D2HGDH: variants seen among roughly 807,000 people sequenced by gnomAD.
D2HGDH encodes D-2-hydroxyglutarate dehydrogenase.
In D2HGDH, 31 loss-of-function variants were observed where a neutral mutation model predicts 46.9. That is an observed-to-expected ratio of 0.66 (90% CI 0.50 to 0.89). The LOEUF (loss-of-function observed/expected upper bound fraction) is 0.89. Ranked by LOEUF, D2HGDH falls within the 40% of genes least tolerant of loss-of-function variation. The pLI, the probability that D2HGDH is intolerant of heterozygous loss-of-function variation, is 0.00. For missense variants in D2HGDH, 698 were observed against 720.8 expected (o/e 0.97, Z 0.36); for synonymous variants, 364 against 332.6 (o/e 1.09, Z -1.03).
At chr2:241,748,119 G>GT (rs1293164155) in intron 6 of D2HGDH, among the ~76,000 whole-genome samples, 2 of 86,888 alleles carry the variant, frequency 2.3e-5, no homozygotes, top group Non-Finnish European at 4.3e-5. Flanking sequence ...GCTCTTCAGC[G>GT]TTTTTTTGTT....
rs751898494 is a variant in D2HGDH, at chr2:241,742,552, C to T, written c.468C>T (p.Val156=). 2 of 1,614,140 alleles carry T rather than the reference C, an allele frequency of 1.2e-6. No homozygotes were observed. The highest frequency in any genetic ancestry group is 1.7e-6 in the Non-Finnish European group (2 of 1,180,024). Residue 156 remains valine (V), a synonymous_variant, in exon 4 of 10, where the codon GTC becomes GTT. Transcript: ENST00000321264. The surrounding 1 kb of genome is among the most constrained non-coding windows in gnomAD (Gnocchi z 4.8). ...IILSTARMNR[V]LSFHSVSGIL... ...TCTCCACTGCCCGCATGAACCGGGTCCTCAGCTTCCACAGCGTGTCTGGTA... is the reference window on the plus strand; with the variant it reads ...TCTCCACTGCCCGCATGAACCGGGTTCTCAGCTTCCACAGCGTGTCTGGTA...
rs767084145 is a variant in D2HGDH at position 241,743,935 on chromosome 2, G to T, written c.684+120G>T. ...CTCGGGGTGGGAGGTCTTGGTTCCT[G>T]GCCCTGGGCCCCTCAAGGATGTGTG... On this transcript the variant is annotated intron_variant, in intron 5 of 9. Coordinates refer to ENST00000321264, the MANE Select transcript of D2HGDH (RefSeq NM_152783.5). The surrounding 1 kb of genome is among the most constrained non-coding windows in gnomAD (Gnocchi z 4.8). The T allele has an allele frequency of 5.3e-6, 6 of 1,132,292 alleles. No homozygotes were observed. The highest frequency in any genetic ancestry group is 7.6e-6 in the Non-Finnish European group (6 of 791,758). The allele number at this position is 1,132,292 out of a possible 1,614,324, so 70.1% of individuals were successfully genotyped here.
In D2HGDH at chr2:241,735,339, G is replaced by A; in HGVS notation, c.115G>A (p.Ala39Thr). 2 of 1,551,090 alleles carry A rather than the reference G, an allele frequency of 1.3e-6. No individual in the cohort carries two copies. The highest frequency in any genetic ancestry group is 8.7e-7 in the Non-Finnish European group (1 of 1,152,818). Reference protein sequence around the residue: ...GPLARRGCCSAPGTPEVPLTR... With the variant: ...GPLARRGCCSTPGTPEVPLTR... ...CCTGGCCCGCAGAGGCTGCTGCTCC[G>A]CCCCGGGGACCCCCGAGGTGCCGCT... is the stretch of plus-strand genomic sequence containing the variant. Residue 39 changes from alanine (A) to threonine (T), a missense_variant, in exon 2 of 10, where the codon GCC becomes ACC. Coordinates refer to ENST00000321264, the MANE Select transcript of D2HGDH (RefSeq NM_152783.5).
At chr2:241,764,574 G>A (rs1454425436) in intron 9 of D2HGDH, among the ~76,000 whole-genome samples, 5 of 152,240 alleles carry the variant, frequency 3.3e-5, no homozygotes, top group Admixed American at 1.3e-4. Flanking sequence ...CTCGACCTTT[G>A]TCGGTTCTGG....
Position 241,767,731 on chromosome 2 carries a change from A to C in D2HGDH, c.1328A>C (p.Asn443Thr). Residue 443 changes from asparagine (N) to threonine (T), a missense_variant, in exon 10 of 10, where the codon AAT (asparagine) becomes ACT (threonine). Asn to Thr is a moderately conservative substitution (Grantham distance 65). Transcript: ENST00000321264. ...GHLGDGNLHL[N>T]VTAEAFSPSL... is the part of the protein sequence containing the mutation. ...CCAGGAGATGGTAACCTGCACCTCA[A>C]TGTGACGGCGGAGGCCTTCAGCCCC... 1.2e-6 allele frequency: 2 copies of C among 1,612,896 alleles called. No individual in the cohort carries two copies. The highest frequency in any genetic ancestry group is 1.7e-6 in the Non-Finnish European group (2 of 1,179,568).
chr2:241,738,797 A>C (rs1693637559), intron 2 of D2HGDH, among the ~76,000 whole-genome samples: 1 of 152,170 alleles, frequency 6.6e-6, no homozygotes, highest in South Asian at 2.1e-4. Context: ...GGTGAGGGCG[A>C]GGCTGAATTT....
At position 241,735,158 on chromosome 2, in the gene D2HGDH, T is replaced by G. The variant is rs1188622188; in HGVS notation, c.-67T>G. ...GCGCGCAGCCAGCGGCTCCCTGCCC[T>G]TCCCCTCCGGGCCCTGAGTACCGGC... On this transcript the variant is annotated 5_prime_UTR_variant, in exon 2 of 10. Coordinates refer to ENST00000321264, the MANE Select transcript of D2HGDH (RefSeq NM_152783.5). 1.4e-6 allele frequency: 2 copies of G among 1,421,658 alleles called. No individual in the cohort carries two copies. Among genetic ancestry groups the G allele is most frequent in the African/African-American group, 1.5e-5 (1 of 65,842 alleles). 88.1% of individuals were successfully genotyped at this position (1,421,658 alleles called of 1,614,324 possible). A position where few individuals can be genotyped will look rare whatever the true frequency, so the allele number is the denominator to read the frequency against.
intron 9 of D2HGDH, among the ~76,000 whole-genome samples, chr2:241,756,273 A>C (rs989077598): frequency 1.3e-5 from 2 of 152,208 alleles, no homozygotes; most frequent in African/African-American, 4.8e-5. Context: ...GCTTGTCAGA[A>C]CGTTCTGGGA....
intron 6 of D2HGDH, chr2:241,748,852 A>G (rs1029981302): frequency 3.2e-6 from 4 of 1,265,728 alleles, no homozygotes; most frequent in African/African-American, 3.2e-5. Context: ...CTCTGATCCC[A>G]CTCCAACTGC....
intron 7 of D2HGDH, 99 bp from the exon 8 acceptor site, chr2:241,751,147 A>C: frequency 6.5e-7 from 1 of 1,535,336 alleles, no homozygotes; most frequent in Admixed American, 1.7e-5. Context: ...GCCACGAAAG[A>C]TCAGTGGTTG....
At chr2:241,755,450 TGTGCC>T (rs1698018340) in intron 8 of D2HGDH, 1 of 1,313,142 alleles carries the variant, frequency 7.6e-7, no homozygotes, top group Non-Finnish European at 1.0e-6. Flanking sequence ...CTTGCCACTC[TGTGCC>T]GTGTCATGAC....
Position 241,768,632 on chromosome 2 carries a change from G to T in D2HGDH, c.*663G>T, listed in dbSNP as rs1049968551. ...AGGGCAAGCTGTGCTCTGAGTTTCG[G>T]GTTCTGCTCCTACAAAGAACGTGCG... On this transcript the variant is annotated 3_prime_UTR_variant, in exon 10 of 10. Transcript: ENST00000321264. The T allele has an allele frequency of 1.3e-5, 2 of 152,368 alleles. No individual in the cohort carries two copies. Among genetic ancestry groups the T allele is most frequent in the African/African-American group, 4.8e-5 (2 of 41,426 alleles). The allele number at this position is 152,368 out of a possible 1,614,324, so 9.4% of individuals were successfully genotyped here. A position where few individuals can be genotyped will look rare whatever the true frequency, so the allele number is the denominator to read the frequency against.
chr2:241,751,553 G>C (rs1414273710), intron 8 of D2HGDH, among the ~76,000 whole-genome samples, 165 bp downstream of exon 8: 1 of 152,234 alleles, frequency 6.6e-6, no homozygotes. Flanking sequence ...GATGGAAAAT[G>C]TATTCCTGGT....
chr2:241,749,667 G>A (rs1470189452), intron 6 of D2HGDH: 1 of 326,186 alleles, frequency 3.1e-6, no homozygotes, highest in Non-Finnish European at 6.0e-6. Flanking sequence ...GAATTCCCAA[G>A]ATACGCCCCC....
intron 2 of D2HGDH, among the ~76,000 whole-genome samples, chr2:241,737,221 C>T (rs961366682): frequency 3.9e-5 from 6 of 152,022 alleles, no homozygotes; most frequent in Non-Finnish European, 7.4e-5. Flanking sequence ...CCGCCTGCCT[C>T]GGCCTCCCAA....
chr2:241,744,076 A>G (rs1695243256), intron 5 of D2HGDH, among the ~76,000 whole-genome samples: 1 of 152,084 alleles, frequency 6.6e-6, no homozygotes, highest in African/African-American at 2.4e-5. Context: ...TACAGGGGAC[A>G]CCGCCCCGGC....
chr2:241,748,319 C>T (rs1381705153), intron 6 of D2HGDH, among the ~76,000 whole-genome samples: 1 of 152,132 alleles, frequency 6.6e-6, no homozygotes, highest in East Asian at 1.9e-4. Context: ...CAGGGTTTTG[C>T]CATGTTGGCC....
chr2:241,742,650 A>G lies in D2HGDH; in HGVS notation c.490+76A>G, dbSNP rs1694798327. The G allele has an allele frequency of 6.3e-7, 1 of 1,581,154 alleles. No individual in the cohort carries two copies. Among genetic ancestry groups the G allele is most frequent in the Non-Finnish European group, 8.7e-7 (1 of 1,151,126 alleles). On this transcript the variant is annotated intron_variant, in intron 4 of 9. Coordinates refer to ENST00000321264, the MANE Select transcript of D2HGDH (RefSeq NM_152783.5). The surrounding 1 kb of genome is among the most constrained non-coding windows in gnomAD (Gnocchi z 4.8). ...GAGTTCTTCCTTGCCAGCGTCTGCA[A>G]CTGTGGGGTGCTTGGGTGGGTGAAT... is the stretch of plus-strand genomic sequence containing the variant.
intron 6 of D2HGDH, among the ~76,000 whole-genome samples, chr2:241,745,485 G>A (rs1695627773): frequency 6.6e-6 from 1 of 152,204 alleles, no homozygotes; most frequent in Admixed American, 6.5e-5. Context: ...CGCGGGAGGT[G>A]GCGGGTCTAG....
Sources: gnomAD v4.1 joint callset for allele counts (sites outside exome capture counted in the v4.1 genomes callset) on GRCh38, gnomAD v4.1.1 for gene constraint, Gnocchi (gnomAD v3.1) non-coding constraint, MANE v1.5 for transcripts, NCBI Gene and HGNC (gene_info 2026-07-23, HGNC 2026-07-21) for gene names.